DPP3: variants seen among roughly 807,000 people sequenced by gnomAD.
The protein encoded by DPP3 is dipeptidyl peptidase 3, also known as DPP III.
In DPP3, 64 loss-of-function variants were observed where a neutral mutation model predicts 89.8. The observed-to-expected ratio is 0.71, with a 90% CI of 0.58 to 0.88. The LOEUF (loss-of-function observed/expected upper bound fraction) is 0.88. DPP3 is among the 40% of genes least tolerant of loss of function. The probability of loss-of-function intolerance (pLI) is 0.00; values close to 1 mark genes in which losing one functional copy is unlikely to be tolerated. For missense variants in DPP3, 835 were observed against 972.5 expected, an observed-to-expected ratio of 0.86 and a Z score of 1.88; for synonymous variants, 377 against 404.3, an observed-to-expected ratio of 0.93 and a Z score of 0.81.
chr11:66,495,079 T>C (rs11824771), intron 12 of DPP3, 127 bp from the exon 13 acceptor site: 319,531 of 1,344,414 alleles, frequency 0.24, 39,480 homozygotes, highest in East Asian at 0.26. Context: ...ACAGACCTGC[T>C]GCTCCCGCCG....
At chr11:66,506,059 C>A (rs1032577475) in intron 17 of DPP3, among the ~76,000 whole-genome samples, 6 of 152,118 alleles carry the variant, frequency 3.9e-5, no homozygotes, top group Admixed American at 2.0e-4. Context: ...AGCGATTCTC[C>A]TGCCCCAGTC....
chr11:66,492,473 A>AGGCCCAGGGAGAAGGGGCAGGC, intron 9 of DPP3: 1 of 473,128 alleles, frequency 2.1e-6, no homozygotes. Flanking sequence ...GGGATGACCC[A>AGGCCCAGGGAGAAGGGGCAGGC]GGCCCAGGGA....
rs1370494157 is a variant in DPP3, at chr11:66,508,196, G to A, written c.2042-883G>A. 2.6e-5 allele frequency among the ~76,000 whole-genome samples: 4 copies of A among 152,256 alleles called. No homozygotes were observed. In the East Asian group the frequency reaches 7.7e-4, roughly 29 times the overall value. ...CATGGAACACGACAAGGTGCACAGA[G>A]AGGGTAGAGCAGTTGAAGTGTGTTT... On this transcript the variant is annotated intron_variant, in intron 17 of 17. Transcript: ENST00000531863.
intron 15 of DPP3, among the ~76,000 whole-genome samples, chr11:66,496,436 A>T (rs1482422324): frequency 6.9e-6 from 1 of 145,824 alleles, no homozygotes; most frequent in Non-Finnish European, 1.5e-5. Flanking sequence ...TTCTTTTGAG[A>T]CAGAGTCTCA....
chr11:66,504,135 C>CA (rs2134751668), intron 16 of DPP3, among the ~76,000 whole-genome samples: 1 of 151,948 alleles, frequency 6.6e-6, no homozygotes, highest in South Asian at 2.1e-4. Flanking sequence ...CTTTCTTTTC[C>CA]TTTTTTTTAG....
intron 17 of DPP3, among the ~76,000 whole-genome samples, chr11:66,508,027 A>C (rs1855847404): frequency 6.6e-6 from 1 of 152,118 alleles, no homozygotes; most frequent in Admixed American, 6.5e-5. Context: ...CCCAGAGAGA[A>C]ATGGTTATTA....
intron 17 of DPP3, among the ~76,000 whole-genome samples, chr11:66,506,094 G>A (rs1401943330): frequency 1.3e-5 from 2 of 151,900 alleles, no homozygotes; most frequent in Non-Finnish European, 2.9e-5. Flanking sequence ...TATAACAGGC[G>A]CCCGCCACCA....
intron 4 of DPP3, 146 bp from the exon 5 acceptor site, chr11:66,487,122 A>G: frequency 1.3e-6 from 1 of 758,132 alleles, no homozygotes; most frequent in Non-Finnish European, 2.2e-6. Flanking sequence ...TGTTTGTTTT[A>G]TAACTTTTTC....
chr11:66,484,505 C>A (rs1331377953), intron 2 of DPP3, among the ~76,000 whole-genome samples: 1 of 151,978 alleles, frequency 6.6e-6, no homozygotes, highest in East Asian at 1.9e-4. Flanking sequence ...CCTGATGATC[C>A]CTGGTGTACA....
In DPP3 at chr11:66,497,264, G is replaced by T. The variant is rs78013205; in HGVS notation, c.1699-34G>T. 5,900 of 1,602,096 alleles carry T rather than the reference G, an allele frequency of 3.7e-3. 190 individuals are homozygous for T. The African/African-American group carries it at 0.069, about 19-fold the overall frequency. On this transcript the variant is annotated intron_variant, in intron 15 of 17. Coordinates refer to ENST00000531863, the MANE Select transcript of DPP3 (RefSeq NM_130443.4). The stretch of plus-strand genomic sequence containing the variant: ...AGCCTAGGACCAAGCACTTGATACG[G>T]GCTACAAATGCTGTCTTTCCCCTGC...
At chr11:66,493,220 T>C (rs1855444399) in intron 11 of DPP3, 41 bp downstream of exon 11, 1 of 1,548,234 alleles carries the variant, frequency 6.5e-7, no homozygotes, top group Non-Finnish European at 8.9e-7. Context: ...GGGCCTCACC[T>C]TCCTCAGCAG....
chr11:66,483,731 TA>T (rs1022189253), intron 2 of DPP3, among the ~76,000 whole-genome samples: 1 of 152,184 alleles, frequency 6.6e-6, no homozygotes, highest in African/African-American at 2.4e-5. Context: ...AATCATCTTC[TA>T]AAAAAGCTTC....
At chr11:66,497,191 A>G (rs1014071933) in intron 15 of DPP3, 107 bp from the exon 16 acceptor site, 18 of 1,415,172 alleles carry the variant, frequency 1.3e-5, no homozygotes, top group African/African-American at 1.1e-4. Context: ...TTAATGGGCA[A>G]CTGGGACCAA....
At chr11:66,488,044 T>A (rs4930378) in intron 6 of DPP3, 37 bp downstream of exon 6, 2 of 1,596,718 alleles carry the variant, frequency 1.3e-6, no homozygotes, top group Admixed American at 3.5e-5. Context: ...TGCTCCCTCC[T>A]GGGCATTTCC....
intron 17 of DPP3, 63 bp from the exon 18 acceptor site, chr11:66,509,016 T>C: frequency 6.4e-7 from 1 of 1,567,770 alleles, no homozygotes; most frequent in South Asian, 1.2e-5. Context: ...TTAAGATTTT[T>C]ATGATGATTC....
Position 66,493,597 on chromosome 11 carries a change from G to A in DPP3, c.1353G>A (p.Glu451=). 1 of 1,613,060 alleles carries A rather than the reference G, an allele frequency of 6.2e-7. No individual in the cohort carries two copies. The highest frequency in any genetic ancestry group is 1.1e-5 in the South Asian group (1 of 91,060). Residue 451 remains glutamate (E), a synonymous_variant, in exon 12 of 18, where the codon GAG becomes GAA. Transcript: ENST00000531863. The part of the protein sequence containing the change: ...PSFDVQVGLH[E]LLGHGSGKLF... ...TCGATGTGCAGGTGGGCCTGCACGAGCTGCTGGGCCATGGCAGTGGCAAGC... is the reference window on the plus strand; with the variant it reads ...TCGATGTGCAGGTGGGCCTGCACGAACTGCTGGGCCATGGCAGTGGCAAGC...
chr11:66,485,587 C>T lies in DPP3; in HGVS notation c.360+325C>T, dbSNP rs539039612. The stretch of plus-strand genomic sequence containing the variant: ...CCAGGAACAGTGGGAAGTGCTGGGC[C>T]GGGGGCATCCCTCCCAGGGTTATGA... On this transcript the variant is annotated intron_variant, in intron 3 of 17. Coordinates refer to ENST00000531863, the MANE Select transcript of DPP3 (RefSeq NM_130443.4). Among the ~76,000 whole-genome samples, 14 of 152,242 alleles carry T rather than the reference C, an allele frequency of 9.2e-5. No individual in the cohort carries two copies. The South Asian group carries it at 2.3e-3, about 25-fold the overall frequency.
chr11:66,494,942 G>A lies in DPP3; in HGVS notation c.1390-264G>A, dbSNP rs184543775. 1.1e-3 allele frequency among the ~76,000 whole-genome samples: 166 copies of A among 152,262 alleles called. 2 individuals carry two copies. Among genetic ancestry groups the A allele is most frequent in the East Asian group, 1.9e-4 (1 of 5,176 alleles). On this transcript the variant is annotated intron_variant, in intron 12 of 17. Coordinates refer to ENST00000531863, the MANE Select transcript of DPP3 (RefSeq NM_130443.4). ...TCACAGGACTTGGGGCAAGTCCCTC[G>A]GCTGTCTGGTCCTCAGTTTTCCTCT... is the stretch of plus-strand genomic sequence containing the variant.
At chr11:66,495,813 G>T in intron 15 of DPP3, 63 bp downstream of exon 15, 1 of 1,551,498 alleles carries the variant, frequency 6.4e-7, no homozygotes, top group Non-Finnish European at 8.7e-7. Flanking sequence ...CAAGATCAGG[G>T]TGCAAGGATG....
Sources: allele counts gnomAD v4.1 joint callset (sites outside exome capture counted in the v4.1 genomes callset), GRCh38; gene constraint gnomAD v4.1.1; transcripts MANE v1.5; gene names NCBI Gene and HGNC (gene_info 2026-07-23, HGNC 2026-07-21).